The following PTPN22 variants were observed in gnomAD, a reference collection of about 807,000 sequenced individuals.
PTPN22 encodes protein tyrosine phosphatase non-receptor type 22, also known as tyrosine-protein phosphatase non-receptor type 22.
Under a neutral mutation model 103.3 loss-of-function variants are expected in PTPN22, and 85 were observed. The observed-to-expected ratio is 0.82, with a 90% confidence interval of 0.69 to 0.99. PTPN22 has a LOEUF of 0.99. Ranked by LOEUF, PTPN22 falls within the 50% of genes least tolerant of loss-of-function variation. The pLI, the probability that PTPN22 is intolerant of heterozygous loss-of-function variation, is 0.00. For missense variants in PTPN22, 865 were observed against 936.9 expected, an observed-to-expected ratio of 0.92 and a Z score of 1.00; for synonymous variants, 323 against 310.2, an observed-to-expected ratio of 1.04 and a Z score of -0.43.
Position 113,829,816 on chromosome 1 carries a change from T to C in PTPN22, c.2135-109A>G. The C allele has an allele frequency of 1.0e-5, 12 of 1,188,878 alleles. No individual in the cohort carries two copies. The South Asian group carries it at 1.4e-4, about 14-fold the overall frequency. The allele number at this position is 1,188,878 out of a possible 1,614,324, so 73.6% of individuals were successfully genotyped here. A position where few individuals can be genotyped will look rare whatever the true frequency, so the allele number is the denominator to read the frequency against. ...GCTTTTTTAGGCATTATTTTGACTA[T>C]ATATTAGGGGCTTTTAAAATGTATT... On this transcript the variant is annotated intron_variant, in intron 17 of 20. Coordinates refer to ENST00000359785, the Ensembl canonical transcript of PTPN22.
intron 20 of PTPN22, among the ~76,000 whole-genome samples, chr1:113,816,844 G>C (rs1558011871): frequency 6.6e-6 from 1 of 152,334 alleles, no homozygotes; most frequent in East Asian, 1.9e-4. Context: ...AGGAGGCTGA[G>C]GTTACAGTGA....
At chr1:113,816,645 A>G (rs1661176232) in intron 20 of PTPN22, among the ~76,000 whole-genome samples, 1 of 151,928 alleles carries the variant, frequency 6.6e-6, no homozygotes, top group Admixed American at 6.6e-5. Flanking sequence ...GTGGTGGCTC[A>G]CACCTGTAAT....
chr1:113,838,379 G>C (rs1663213703), exon 13 of PTPN22: 1 of 1,592,084 alleles, frequency 6.3e-7, no homozygotes, highest in Non-Finnish European at 8.5e-7. Flanking sequence ...GTCCTTTGTT[G>C]GTTCATCATT....
chr1:113,862,179 G>A (rs1037365611), intron 1 of PTPN22, among the ~76,000 whole-genome samples: 23 of 152,072 alleles, frequency 1.5e-4, no homozygotes, highest in African/African-American at 5.6e-4. Context: ...CTATTCAGGA[G>A]GCTAAGGCAA....
intron 11 of PTPN22, 107 bp from the exon 12 acceptor site, chr1:113,838,727 A>T (rs1346988417): frequency 1.4e-6 from 2 of 1,445,248 alleles, no homozygotes; most frequent in Non-Finnish European, 1.8e-6. Context: ...AAAAAGATTT[A>T]AAATAATTCA....
chr1:113,838,569 A>G (rs1193007235), exon 12 of PTPN22: 1 of 1,613,702 alleles, frequency 6.2e-7, no homozygotes, highest in East Asian at 2.2e-5. Context: ...GGAGAATAAG[A>G]GTCTGCTTGG....
At chr1:113,838,257 C>T (rs756295105) in exon 13 of PTPN22, 2 of 1,614,092 alleles carry the variant, frequency 1.2e-6, no homozygotes, top group East Asian at 2.2e-5. Context: ...AATTTAGCTC[C>T]AGAAAGTCAA....
At chr1:113,822,014 A>C (rs1304465697) in intron 19 of PTPN22, among the ~76,000 whole-genome samples, 2 of 152,094 alleles carry the variant, frequency 1.3e-5, no homozygotes, top group Non-Finnish European at 2.9e-5. Context: ...ACCAATAAAG[A>C]GTTATTTTTT....
chr1:113,859,352 A>C (rs1054685812), exon 2 of PTPN22: 2 of 1,606,932 alleles, frequency 1.2e-6, no homozygotes, highest in Non-Finnish European at 8.5e-7. Flanking sequence ...TGGAACTTAC[A>C]GGGCAAAATA....
chr1:113,868,440 C>T (rs1046385315), intron 1 of PTPN22, among the ~76,000 whole-genome samples: 1 of 152,054 alleles, frequency 6.6e-6, no homozygotes, highest in Admixed American at 6.6e-5. Context: ...GATGGAAAGC[C>T]CTCTGATTTA....
At chr1:113,836,039 A>C (rs1259899418) in intron 13 of PTPN22, among the ~76,000 whole-genome samples, 1 of 152,208 alleles carries the variant, frequency 6.6e-6, no homozygotes, top group Admixed American at 6.5e-5. Context: ...ATGTTTAAAA[A>C]TGTATAAAAT....
At chr1:113,846,617 C>A (rs1238396159) in intron 11 of PTPN22, among the ~76,000 whole-genome samples, 1 of 152,042 alleles carries the variant, frequency 6.6e-6, no homozygotes, top group East Asian at 1.9e-4. Flanking sequence ...AGAAAGTTTC[C>A]TTTGCCATTT....
At chr1:113,860,805 T>C (rs1010777441) in intron 1 of PTPN22, among the ~76,000 whole-genome samples, 1 of 152,230 alleles carries the variant, frequency 6.6e-6, no homozygotes, top group Non-Finnish European at 1.5e-5. Context: ...TCTCCAGAAC[T>C]AAGCTCAGTG....
chr1:113,838,312 G>C, exon 13 of PTPN22: 1 of 1,612,682 alleles, frequency 6.2e-7, no homozygotes. Flanking sequence ...CTCTTCTTTT[G>C]CACTTATTTC....
intron 18 of PTPN22, chr1:113,829,174 C>T (rs907616005): frequency 2.0e-5 from 3 of 151,802 alleles, no homozygotes; most frequent in Non-Finnish European, 4.4e-5. Context: ...TGGTAGTTTC[C>T]TTGGGCATCT....
intron 9 of PTPN22, among the ~76,000 whole-genome samples, chr1:113,853,213 C>T (rs1664717972): frequency 6.6e-6 from 1 of 152,094 alleles, no homozygotes; most frequent in East Asian, 1.9e-4. Flanking sequence ...GCTGAGATTA[C>T]AGGCATGAGC....
At chr1:113,840,767 G>A (rs1663477113) in intron 11 of PTPN22, among the ~76,000 whole-genome samples, 1 of 152,152 alleles carries the variant, frequency 6.6e-6, no homozygotes, top group Non-Finnish European at 1.5e-5. Context: ...GTGTGGTACT[G>A]ACATAGTATA....
chr1:113,824,649 C>T (rs888746103), intron 19 of PTPN22, among the ~76,000 whole-genome samples: 1 of 152,030 alleles, frequency 6.6e-6, no homozygotes, highest in Admixed American at 6.6e-5. Context: ...TGAGGTTAGA[C>T]TGCTGGAAAT....
intron 11 of PTPN22, among the ~76,000 whole-genome samples, chr1:113,845,800 T>C (rs192994680): frequency 6.6e-6 from 1 of 152,374 alleles, no homozygotes; most frequent in African/African-American, 2.4e-5. Flanking sequence ...CTTCACATAT[T>C]TTGCAATTTC....
Sources: allele counts gnomAD v4.1 joint callset (sites outside exome capture counted in the v4.1 genomes callset), GRCh38; gene constraint gnomAD v4.1.1; transcripts MANE v1.5; gene names NCBI Gene and HGNC (gene_info 2026-07-23, HGNC 2026-07-21).